Variants in ATP6V0D2 observed in about 807,000 individuals in gnomAD.
ATP6V0D2 encodes ATPase H+ transporting V0 subunit d2, also known as V-type proton ATPase subunit d 2.
In ATP6V0D2, 40 loss-of-function variants were observed where a neutral mutation model predicts 40.0. That is an observed-to-expected ratio of 1.00 (90% CI 0.78 to 1.30). The LOEUF is 1.30. Among genes scored for constraint, ATP6V0D2 ranks in the 50% most tolerant of loss-of-function variants. The pLI, the probability that ATP6V0D2 is intolerant of heterozygous loss-of-function variation, is 0.00. For synonymous variants in ATP6V0D2, 179 were observed against 156.3 expected, an observed-to-expected ratio of 1.15 and a Z score of -1.08; for missense variants, 470 against 423.1, an observed-to-expected ratio of 1.11 and a Z score of -0.97.
At chr8:86,143,619 T>C (rs984406699) in intron 5 of ATP6V0D2, among the ~76,000 whole-genome samples, 1 of 152,176 alleles carries the variant, frequency 6.6e-6, no homozygotes, top group Non-Finnish European at 1.5e-5. Flanking sequence ...CAGTGCCATC[T>C]TGGTTTTGGT....
intron 2 of ATP6V0D2, among the ~76,000 whole-genome samples, chr8:86,120,758 C>T (rs1818658769): frequency 1.3e-5 from 2 of 152,120 alleles, no homozygotes; most frequent in South Asian, 4.1e-4. Flanking sequence ...AATGGAGTGT[C>T]AATGAATTAA....
At chr8:86,124,386 G>A (rs1328437492) in intron 2 of ATP6V0D2, among the ~76,000 whole-genome samples, 2 of 152,140 alleles carry the variant, frequency 1.3e-5, no homozygotes, top group Non-Finnish European at 2.9e-5. Context: ...GATTAGAAAC[G>A]AATTGAATAT....
At chr8:86,152,702 G>C in intron 7 of ATP6V0D2, 114 bp from the exon 8 acceptor site, 2 of 1,000,386 alleles carry the variant, frequency 2.0e-6, no homozygotes, top group South Asian at 4.9e-5. Context: ...TTTAGAGATT[G>C]CCTGTTTAAA....
chr8:86,151,457 GT>G lies in ATP6V0D2; in HGVS notation c.817-4del. ...AAATGTCTTTAAAATTAATGTCTTTGTTTTTAAGGTATACAAACCTTTATTT... is the reference window on the plus strand; with the variant it reads ...AAATGTCTTTAAAATTAATGTCTTTGTTTTAAGGTATACAAACCTTTATTT... On this transcript the variant is annotated splice_region_variant and splice_polypyrimidine_tract_variant and intron_variant, in intron 6 of 7. Transcript: ENST00000285393. 6.4e-7 allele frequency: 1 copy of G among 1,566,676 alleles called. No individual in the cohort carries two copies. Among genetic ancestry groups the G allele is most frequent in the Non-Finnish European group, 8.7e-7 (1 of 1,152,340 alleles).
At position 86,143,045 on chromosome 8, in the gene ATP6V0D2, A is replaced by T. The variant is rs1240823897; in HGVS notation, c.639+91A>T. ...CTTACTTATATTTCCTTATCTTTGA[A>T]TTTTTTTTTAATCTAGAAGTAAGAC... On this transcript the variant is annotated intron_variant, in intron 5 of 7. Transcript: ENST00000285393. 6 of 806,322 alleles carry T rather than the reference A, an allele frequency of 7.4e-6. No individual in the cohort carries two copies. In the East Asian group the frequency reaches 1.1e-4, roughly 14 times the overall value. 49.9% of individuals were successfully genotyped at this position (806,322 alleles called of 1,614,324 possible).
chr8:86,121,712 C>T (rs1291164471), intron 2 of ATP6V0D2, among the ~76,000 whole-genome samples: 1 of 151,128 alleles, frequency 6.6e-6, no homozygotes, highest in Admixed American at 6.6e-5. Context: ...GTTCTGAAAC[C>T]ATTTCTCTTA....
At chr8:86,116,360 T>A (rs1818591522) in intron 2 of ATP6V0D2, among the ~76,000 whole-genome samples, 1 of 152,232 alleles carries the variant, frequency 6.6e-6, no homozygotes, top group African/African-American at 2.4e-5. Flanking sequence ...AGAAATATGC[T>A]TGTGACTGTC....
intron 1 of ATP6V0D2, among the ~76,000 whole-genome samples, chr8:86,111,968 T>C (rs1818532288): frequency 6.6e-6 from 1 of 152,210 alleles, no homozygotes; most frequent in Non-Finnish European, 1.5e-5. Flanking sequence ...GAATGAGGAA[T>C]ATTTCTGGTC....
rs1819045813 is a variant in ATP6V0D2 at position 86,145,297 on chromosome 8, GAAAGAAAGAAAGA to G, written c.639+2354_639+2366del. On this transcript the variant is annotated intron_variant, in intron 5 of 7. Coordinates refer to ENST00000285393, the MANE Select transcript of ATP6V0D2 (RefSeq NM_152565.1). ...AGAAAGAAAGAAAGAAAGAAAGAAAGAAAGAAAGAAAGAAAAGAAAGAAGGAAAGAAGGAAAGA... is the reference window on the plus strand; with the variant it reads ...AGAAAGAAAGAAAGAAAGAAAGAAAGAAAGAAAGAAGGAAAGAAGGAAAGA... Among the ~76,000 whole-genome samples the G allele has an allele frequency of 5.5e-5, 5 of 90,594 alleles. 1 individual carries two copies. The highest frequency in any genetic ancestry group is 2.1e-4 in the African/African-American group (5 of 24,116). The allele number at this position is 90,594 out of a possible 152,430, so 59.4% of individuals were successfully genotyped here.
intron 2 of ATP6V0D2, among the ~76,000 whole-genome samples, chr8:86,121,142 T>G (rs1054300383): frequency 1.3e-5 from 2 of 152,232 alleles, no homozygotes; most frequent in African/African-American, 4.8e-5. Context: ...TGTCAGAGAC[T>G]AGATAGCACC....
At chr8:86,131,350 C>T (rs889223178) in intron 2 of ATP6V0D2, among the ~76,000 whole-genome samples, 6 of 151,074 alleles carry the variant, frequency 4.0e-5, no homozygotes, top group Non-Finnish European at 7.4e-5. Flanking sequence ...CAGGCGCACA[C>T]CAACACGCTC....
rs1240736903 is a variant in ATP6V0D2, at chr8:86,153,052, G to A, written c.*75G>A. ...TATTGAAGAAAATAAAAGAAATTAT[G>A]TTATATTATCTAGACTACACAAAAG... On this transcript the variant is annotated 3_prime_UTR_variant, in exon 8 of 8. Coordinates refer to ENST00000285393, the MANE Select transcript of ATP6V0D2 (RefSeq NM_152565.1). The A allele has an allele frequency of 7.6e-7, 1 of 1,311,988 alleles. No homozygotes were observed. The highest frequency in any genetic ancestry group is 1.0e-6 in the Non-Finnish European group (1 of 979,944). The allele number at this position is 1,311,988 out of a possible 1,614,324, so 81.3% of individuals were successfully genotyped here. A position where few individuals can be genotyped will look rare whatever the true frequency, so the allele number is the denominator to read the frequency against.
chr8:86,128,156 G>C (rs1038665130), intron 2 of ATP6V0D2, among the ~76,000 whole-genome samples: 4 of 152,094 alleles, frequency 2.6e-5, no homozygotes, highest in Non-Finnish European at 5.9e-5. Context: ...AGACCAGCCT[G>C]GCCAACATGG....
At chr8:86,128,868 A>G (rs928852132) in intron 2 of ATP6V0D2, among the ~76,000 whole-genome samples, 5 of 152,178 alleles carry the variant, frequency 3.3e-5, no homozygotes, top group Admixed American at 1.3e-4. Flanking sequence ...TCACACCACA[A>G]CTGACATGAT....
chr8:86,107,792 C>T (rs953001228), intron 1 of ATP6V0D2, among the ~76,000 whole-genome samples: 6 of 152,028 alleles, frequency 3.9e-5, no homozygotes, highest in African/African-American at 1.2e-4. Context: ...TTATTCAAAA[C>T]GGGAGTGAGC....
chr8:86,148,218 ATCT>A (rs532270106), intron 5 of ATP6V0D2, among the ~76,000 whole-genome samples: 100 of 152,248 alleles, frequency 6.6e-4, no homozygotes, highest in Middle Eastern at 3.4e-3. Flanking sequence ...TTGCCACGAA[ATCT>A]TCTTCTTCCA....
intron 2 of ATP6V0D2, among the ~76,000 whole-genome samples, chr8:86,133,094 T>C (rs907645012): frequency 2.0e-5 from 3 of 152,076 alleles, no homozygotes; most frequent in Non-Finnish European, 4.4e-5. Context: ...GACTAAAAGA[T>C]AGAGAGAAGA....
Position 86,152,875 on chromosome 8 carries a change from T to A in ATP6V0D2, c.951T>A (p.Tyr317Ter), listed in dbSNP as rs1199630616. ...TCCACTACGGTGTGTTTTATGCATA[T>A]GTAAAGCTGAAGGAACAGGAAATTA... is the stretch of plus-strand genomic sequence containing the variant. ...RQFHYGVFYAYVKLKEQEIRN... is the reference protein window; with the variant it reads ...RQFHYGVFYA The change falls in exon 8 of 8, where the codon TAT becomes TAA. Residue 317 changes from tyrosine to a stop codon, truncating the protein, a stop_gained. Transcript: ENST00000285393. LOFTEE classifies it high-confidence loss of function. 4 of 1,612,806 alleles carry A rather than the reference T, an allele frequency of 2.5e-6. No individual in the cohort carries two copies. The highest frequency in any genetic ancestry group is 3.4e-6 in the Non-Finnish European group (4 of 1,179,536).
chr8:86,105,560 AGTACT>A (rs1356654064), intron 1 of ATP6V0D2, among the ~76,000 whole-genome samples: 1 of 151,304 alleles, frequency 6.6e-6, no homozygotes, highest in Non-Finnish European at 1.5e-5. Flanking sequence ...AGCCTCCCAA[AGTACT>A]GAGATTACCG....
Sources: allele counts gnomAD v4.1 joint callset (sites outside exome capture counted in the v4.1 genomes callset), GRCh38; gene constraint gnomAD v4.1.1; transcripts MANE v1.5; gene names NCBI Gene and HGNC (gene_info 2026-07-23, HGNC 2026-07-21).